Variants in RIN3 observed in about 807,000 individuals in gnomAD.
The protein encoded by RIN3 is Ras and Rab interactor 3.
RIN3 carries 54 observed loss-of-function variants against 76.3 expected under a neutral mutation model. That is an observed-to-expected ratio of 0.71 (90% CI 0.57 to 0.89). RIN3 has a LOEUF of 0.89. Among genes scored for constraint, RIN3 ranks in the 40% least tolerant of loss-of-function variants. The pLI is 0.00. For missense variants in RIN3, 1,256 were observed against 1,322.1 expected, an observed-to-expected ratio of 0.95 and a Z score of 0.78; for synonymous variants, 576 against 564.0, an observed-to-expected ratio of 1.02 and a Z score of -0.30.
intron 7 of RIN3, among the ~76,000 whole-genome samples, chr14:92,666,467 G>A (rs1020680342): frequency 9.2e-5 from 14 of 152,292 alleles, no homozygotes; most frequent in African/African-American, 3.4e-4. Context: ...AATCCTGGTC[G>A]AGTGTGTCTT....
At chr14:92,540,314 C>G (rs1327659888) in intron 1 of RIN3, among the ~76,000 whole-genome samples, 1 of 152,122 alleles carries the variant, frequency 6.6e-6, no homozygotes, top group Admixed American at 6.5e-5. Flanking sequence ...CACCGAGGGT[C>G]GGGGGTCTTA....
chr14:92,522,502 T>C (rs896983201), intron 1 of RIN3, among the ~76,000 whole-genome samples: 1 of 152,216 alleles, frequency 6.6e-6, no homozygotes, highest in African/African-American at 2.4e-5. Context: ...TGGTACACAT[T>C]CCTGTGTGCT....
Position 92,568,732 on chromosome 14 carries a change from T to G in RIN3, c.250-8628T>G, listed in dbSNP as rs908263078. 6.6e-6 allele frequency among the ~76,000 whole-genome samples: 1 copy of G among 152,196 alleles called. No individual in the cohort carries two copies. The highest frequency in any genetic ancestry group is 1.5e-5 in the Non-Finnish European group (1 of 68,032). ...CATCGTGAACTCACAGCCTCCAGCC[T>G]CCTCTGCCCCAGGCCAGCGCCTTAT... On this transcript the variant is annotated intron_variant, in intron 2 of 9. Coordinates refer to ENST00000216487, the MANE Select transcript of RIN3 (RefSeq NM_024832.5). This position sits in a 1 kb window ranked among gnomAD's most constrained non-coding sequence, Gnocchi z 4.2.
At chr14:92,560,979 C>T (rs1897745400) in intron 2 of RIN3, among the ~76,000 whole-genome samples, 2 of 132,740 alleles carry the variant, frequency 1.5e-5, no homozygotes, top group African/African-American at 5.7e-5. Flanking sequence ...CGAGATCGCA[C>T]CACTGCACTC....
rs534429853 is a variant in RIN3 at position 92,688,074 on chromosome 14, T to C, written c.2780T>C (p.Val927Ala). 17 of 1,605,836 alleles carry C rather than the reference T, an allele frequency of 1.1e-5. No homozygotes were observed. The highest frequency in any genetic ancestry group is 1.4e-5 in the Non-Finnish European group (16 of 1,177,276). The change falls in exon 10 of 10, where the codon GTG (valine) becomes GCG (alanine). Residue 927 changes from valine (V) to alanine (A), a missense_variant. This residue lies in a region of RIN3 where 218 missense variants were observed against 174.5 expected (regional missense o/e 1.25). Transcript: ENST00000216487. The part of the protein sequence containing the change: ...RPQAHRLFVL[V>A]DGRCFQLADD... Reference sequence around the variant, plus strand: ...CAGGCGCACCGGCTGTTCGTGCTGGTGGACGGGCGCTGCTTCCAGCTGGCG... The same window carrying C: ...CAGGCGCACCGGCTGTTCGTGCTGGCGGACGGGCGCTGCTTCCAGCTGGCG...
Position 92,687,965 on chromosome 14 carries a change from G to T in RIN3, c.2671G>T (p.Ala891Ser). ...CVSYLEPEQQ[A>S]RTLASRADTQ... is the part of the protein sequence containing the mutation. ...GTCGTACCTGGAGCCCGAGCAGCAG[G>T]CGCGGACGCTGGCGTCGCGGGCGGA... Residue 891 changes from alanine (A) to serine (S), a missense_variant, in exon 10 of 10, where the codon GCG (alanine) becomes TCG (serine). Coordinates refer to ENST00000216487, the MANE Select transcript of RIN3 (RefSeq NM_024832.5). The T allele has an allele frequency of 6.4e-7, 1 of 1,555,846 alleles. No individual in the cohort carries two copies. Among genetic ancestry groups the T allele is most frequent in the Admixed American group, 1.9e-5 (1 of 51,752 alleles).
intron 1 of RIN3, among the ~76,000 whole-genome samples, chr14:92,551,713 A>C (rs2140030450): frequency 6.6e-6 from 1 of 152,098 alleles, no homozygotes; most frequent in Admixed American, 6.5e-5. Flanking sequence ...GACTTTGAGC[A>C]TTTTTTCACC....
intron 2 of RIN3, among the ~76,000 whole-genome samples, chr14:92,561,636 G>A (rs1299399634): frequency 6.6e-6 from 1 of 152,054 alleles, no homozygotes; most frequent in Admixed American, 6.6e-5. Context: ...TTAAGAAACT[G>A]ATCTTGATAC....
chr14:92,686,373 T>A (rs987061496), intron 9 of RIN3: 2 of 152,354 alleles, frequency 1.3e-5, no homozygotes, highest in African/African-American at 4.8e-5. Context: ...AGCTCTGATT[T>A]TAGCTTCTGT....
intron 7 of RIN3, among the ~76,000 whole-genome samples, chr14:92,669,307 G>A (rs902948096): frequency 6.6e-6 from 1 of 152,172 alleles, no homozygotes; most frequent in African/African-American, 2.4e-5. Flanking sequence ...AACTGGGGTC[G>A]ATAAAGCAGG....
At chr14:92,548,889 G>A (rs1897346706) in intron 1 of RIN3, among the ~76,000 whole-genome samples, 1 of 152,162 alleles carries the variant, frequency 6.6e-6, no homozygotes, top group Admixed American at 6.5e-5. Flanking sequence ...GTTGAATCAG[G>A]CAGGTATGAG....
chr14:92,534,881 C>T (rs779194792), intron 1 of RIN3, among the ~76,000 whole-genome samples: 1 of 152,092 alleles, frequency 6.6e-6, no homozygotes, highest in Non-Finnish European at 1.5e-5. Flanking sequence ...TTTTTATTGT[C>T]ATTATAATAC....
intron 1 of RIN3, among the ~76,000 whole-genome samples, chr14:92,542,074 C>CT (rs1437778058): frequency 6.6e-6 from 1 of 152,156 alleles, no homozygotes; most frequent in African/African-American, 2.4e-5. Flanking sequence ...AGGAGGATTG[C>CT]TTGAGTCGAG....
intron 1 of RIN3, among the ~76,000 whole-genome samples, chr14:92,527,463 T>G (rs1392770500): frequency 6.6e-6 from 1 of 152,094 alleles, no homozygotes; most frequent in Non-Finnish European, 1.5e-5. Context: ...CCAAATAAGG[T>G]CACTTTCTGG....
chr14:92,675,045 G>A (rs1212497595), intron 7 of RIN3, among the ~76,000 whole-genome samples: 1 of 152,178 alleles, frequency 6.6e-6, no homozygotes, highest in Non-Finnish European at 1.5e-5. Flanking sequence ...GTCCCCAAAT[G>A]AAGCCACATG....
At chr14:92,634,788 G>A (rs907173748) in intron 4 of RIN3, among the ~76,000 whole-genome samples, 6 of 150,016 alleles carry the variant, frequency 4.0e-5, no homozygotes, top group East Asian at 3.9e-4. Context: ...AACCCAGGAG[G>A]CAGAGGTTGC....
chr14:92,526,939 C>T (rs1165640182), intron 1 of RIN3, among the ~76,000 whole-genome samples: 1 of 152,176 alleles, frequency 6.6e-6, no homozygotes, highest in Non-Finnish European at 1.5e-5. Context: ...CTTCTGGTGG[C>T]CCAGGCAATG....
chr14:92,553,232 C>T (rs1897485322), intron 1 of RIN3, among the ~76,000 whole-genome samples: 1 of 152,094 alleles, frequency 6.6e-6, no homozygotes, highest in African/African-American at 2.4e-5. Flanking sequence ...TATTGAAAGT[C>T]CTAACTGGCC....
intron 3 of RIN3, among the ~76,000 whole-genome samples, chr14:92,614,029 C>G (rs944314619): frequency 2.6e-5 from 4 of 152,212 alleles, no homozygotes; most frequent in African/African-American, 9.7e-5. Context: ...CTGGCTTTCC[C>G]AAGCAGGGCA....
Sources: allele counts gnomAD v4.1 joint callset (sites outside exome capture counted in the v4.1 genomes callset), GRCh38; gene constraint gnomAD v4.1.1; regional missense constraint gnomAD v4.1.1; non-coding constraint Gnocchi (gnomAD v3.1); transcripts MANE v1.5; gene names NCBI Gene and HGNC (gene_info 2026-07-23, HGNC 2026-07-21).